CNTLN: variants seen among roughly 807,000 people sequenced by gnomAD.
CNTLN encodes centlein, also known as centlein, centrosomal protein.
CNTLN carries 212 observed loss-of-function variants against 180.0 expected under a neutral mutation model. The ratio of observed to expected loss-of-function variants is 1.18; its 90% CI spans 1.05 to 1.32. The LOEUF is 1.32. Ranked by LOEUF, CNTLN falls within the 40% of genes most tolerant of loss-of-function variation. The pLI, the probability that CNTLN is intolerant of heterozygous loss-of-function variation, is 0.00. For missense variants in CNTLN, 2,095 were observed against 1,610.9 expected, an observed-to-expected ratio of 1.30 and a Z score of -5.14; for synonymous variants, 722 against 563.1, an observed-to-expected ratio of 1.28 and a Z score of -3.99.
intron 2 of CNTLN, among the ~76,000 whole-genome samples, chr9:17,155,424 C>G (rs547810978): frequency 1.6e-4 from 25 of 152,280 alleles, no homozygotes; most frequent in African/African-American, 5.8e-4. Context: ...GCTATAAGCC[C>G]CTGACTGGGG....
intron 8 of CNTLN, among the ~76,000 whole-genome samples, chr9:17,318,867 TCCA>T (rs1374021535): frequency 4.3e-4 from 64 of 147,472 alleles, no homozygotes; most frequent in Non-Finnish European, 8.2e-4. Context: ...CATCCATCCA[TCCA>T]TCCATCCATT....
chr9:17,150,591 C>T (rs1440611401), intron 2 of CNTLN, among the ~76,000 whole-genome samples: 8 of 152,186 alleles, frequency 5.3e-5, no homozygotes, highest in South Asian at 2.1e-4. Flanking sequence ...CATGATGCCT[C>T]CAGCTTTGTC....
intron 18 of CNTLN, among the ~76,000 whole-genome samples, chr9:17,419,067 AT>A (rs1013622718): frequency 1.3e-5 from 2 of 152,032 alleles, no homozygotes; most frequent in Non-Finnish European, 2.9e-5. Flanking sequence ...AAGATAATAG[AT>A]TTTTTACATG....
At chr9:17,370,595 G>C (rs192267752) in intron 13 of CNTLN, among the ~76,000 whole-genome samples, 1 of 152,194 alleles carries the variant, frequency 6.6e-6, no homozygotes, top group Non-Finnish European at 1.5e-5. Flanking sequence ...ATATTAATGA[G>C]TAATAAATCA....
intron 2 of CNTLN, among the ~76,000 whole-genome samples, chr9:17,225,579 G>T (rs1038690643): frequency 6.6e-6 from 1 of 151,818 alleles, no homozygotes; most frequent in Non-Finnish European, 1.5e-5. Context: ...TCAGACCTTT[G>T]TTCCTTCCTT....
chr9:17,215,083 C>A (rs987658499), intron 2 of CNTLN, among the ~76,000 whole-genome samples: 2 of 152,202 alleles, frequency 1.3e-5, no homozygotes, highest in African/African-American at 4.8e-5. Flanking sequence ...CAGCTTTGTT[C>A]CGTTGCTGGC....
chr9:17,281,277 TTTA>T (rs1416383051), intron 6 of CNTLN, among the ~76,000 whole-genome samples: 46 of 152,008 alleles, frequency 3.0e-4, no homozygotes, highest in African/African-American at 1.1e-3. Context: ...TATTTTATTT[TTTA>T]AAAATTAATT....
At chr9:17,339,791 T>C (rs530882377) in intron 10 of CNTLN, among the ~76,000 whole-genome samples, 1 of 152,304 alleles carries the variant, frequency 6.6e-6, no homozygotes, top group Non-Finnish European at 1.5e-5. Context: ...GGACTAAGAA[T>C]TTCGTCTTTA....
At chr9:17,216,612 T>C (rs932315310) in intron 2 of CNTLN, among the ~76,000 whole-genome samples, 1 of 152,222 alleles carries the variant, frequency 6.6e-6, no homozygotes, top group Admixed American at 6.5e-5. Flanking sequence ...TTTATTTCTA[T>C]TTCTTATTTT....
rs139669366 is a variant in CNTLN at position 17,239,614 on chromosome 9, A to C, written c.849+3026A>C. ...TTTATAGTTTTATGTCTTACATTTC[A>C]TTCTTTGATACATTTTGAGTTAACT... On this transcript the variant is annotated intron_variant, in intron 5 of 25. Transcript: ENST00000380647. Among the ~76,000 whole-genome samples the C allele has an allele frequency of 1.6e-3, 242 of 152,218 alleles. 1 individual carries two copies. Among genetic ancestry groups the C allele is most frequent in the African/African-American group, 5.6e-3 (233 of 41,534 alleles).
At chr9:17,306,164 T>G (rs78329680) in intron 7 of CNTLN, among the ~76,000 whole-genome samples, 6 of 151,168 alleles carry the variant, frequency 4.0e-5, no homozygotes, top group Admixed American at 4.0e-4. Context: ...TTTTTTTTTT[T>G]TTTGAGTTTG....
chr9:17,428,872 G>T (rs1829246386), intron 18 of CNTLN, among the ~76,000 whole-genome samples: 1 of 151,868 alleles, frequency 6.6e-6, no homozygotes, highest in South Asian at 2.1e-4. Flanking sequence ...TATATTAAAT[G>T]ATTAAGAACT....
intron 2 of CNTLN, among the ~76,000 whole-genome samples, chr9:17,184,681 C>T (rs1461910489): frequency 6.6e-6 from 1 of 152,116 alleles, no homozygotes; most frequent in Non-Finnish European, 1.5e-5. Context: ...GCCACTTTAG[C>T]AGAACTCATA....
rs57960408 is a variant in CNTLN, at chr9:17,202,646, G to GTTTTTTTT, written c.450-23540_450-23533dup. 3.6e-3 allele frequency among the ~76,000 whole-genome samples: 256 copies of GTTTTTTTT among 71,422 alleles called. 4 individuals carry two copies. The highest frequency in any genetic ancestry group is 4.5e-3 in the Non-Finnish European group (166 of 37,014). The allele number at this position is 71,422 out of a possible 152,430, so 46.9% of individuals were successfully genotyped here. A position where few individuals can be genotyped will look rare whatever the true frequency, so the allele number is the denominator to read the frequency against. On this transcript the variant is annotated intron_variant, in intron 2 of 25. Coordinates refer to ENST00000380647, the MANE Select transcript of CNTLN (RefSeq NM_017738.4). ...ATCAGAGCCTAGGATTGCAACCTCT[G>GTTTTTTTT]TTTTTTTTTTTTTTTTTTTTTTTTG... is the stretch of plus-strand genomic sequence containing the variant.
chr9:17,328,861 T>C (rs1820467942), intron 8 of CNTLN, among the ~76,000 whole-genome samples: 1 of 152,046 alleles, frequency 6.6e-6, no homozygotes, highest in Non-Finnish European at 1.5e-5. Context: ...GCTGCCTAAA[T>C]ATCCTTTATT....
At chr9:17,527,668 G>T in the CNTLN span, among the ~76,000 whole-genome samples, 1 of 152,138 alleles carries the variant, frequency 6.6e-6, no homozygotes, top group Non-Finnish European at 1.5e-5. Context: ...CAGCCTGGAG[G>T]TAAAGGCACT....
chr9:17,297,714 G>C (rs1232470928), intron 6 of CNTLN, among the ~76,000 whole-genome samples: 3 of 152,226 alleles, frequency 2.0e-5, no homozygotes, highest in Non-Finnish European at 2.9e-5. Context: ...TTACAAACTA[G>C]AATTGGCAGT....
intron 2 of CNTLN, among the ~76,000 whole-genome samples, chr9:17,204,673 T>G (rs1160254049): frequency 6.6e-6 from 1 of 152,180 alleles, no homozygotes; most frequent in Non-Finnish European, 1.5e-5. Flanking sequence ...GAGAAGGCAG[T>G]CTTTCCCTTC....
chr9:17,433,755 A>T (rs1158350171), intron 18 of CNTLN, among the ~76,000 whole-genome samples: 4 of 151,930 alleles, frequency 2.6e-5, no homozygotes, highest in East Asian at 3.9e-4. Context: ...ATTTTAAAAA[A>T]TTTTTTGTAG....
Sources: allele counts gnomAD v4.1 joint callset (sites outside exome capture counted in the v4.1 genomes callset), GRCh38; gene constraint gnomAD v4.1.1; transcripts MANE v1.5; gene names NCBI Gene and HGNC (gene_info 2026-07-23, HGNC 2026-07-21).